The following PDE10A variants were observed in gnomAD, a reference collection of about 807,000 sequenced individuals.
PDE10A encodes the protein phosphodiesterase 10A, also known as cAMP and cAMP-inhibited cGMP 3',5'-cyclic phosphodiesterase 10A.
In PDE10A, 39 loss-of-function variants were observed where a neutral mutation model predicts 97.7. The observed-to-expected ratio is 0.40, with a 90% CI of 0.31 to 0.52. The LOEUF (loss-of-function observed/expected upper bound fraction) is 0.52. Ranked by LOEUF, PDE10A falls within the 20% of genes least tolerant of loss-of-function variation. The pLI is 0.56. For missense variants in PDE10A, 731 were observed against 1,047.8 expected, an observed-to-expected ratio of 0.70 and a Z score of 4.17; for synonymous variants, 371 against 376.8, an observed-to-expected ratio of 0.98 and a Z score of 0.18.
intron 1 of PDE10A, among the ~76,000 whole-genome samples, chr6:165,915,397 G>A (rs1021979579): frequency 3.3e-5 from 5 of 152,154 alleles, no homozygotes; most frequent in South Asian, 2.1e-4. Flanking sequence ...TACTGCACAC[G>A]AATGCTACAA....
At chr6:165,535,319 G>A (rs1480407396) in intron 2 of PDE10A, among the ~76,000 whole-genome samples, 2 of 151,514 alleles carry the variant, frequency 1.3e-5, no homozygotes, top group African/African-American at 4.8e-5. Context: ...TGTAGCCATC[G>A]CCTAAATACT....
chr6:165,857,006 C>T (rs1285924675), intron 1 of PDE10A, among the ~76,000 whole-genome samples: 1 of 152,224 alleles, frequency 6.6e-6, no homozygotes, highest in Non-Finnish European at 1.5e-5. Flanking sequence ...TTTCCTCCAT[C>T]AGTCTCTAAA....
At chr6:165,466,296 CACTG>C (rs1242388542) in intron 3 of PDE10A, among the ~76,000 whole-genome samples, 3 of 152,158 alleles carry the variant, frequency 2.0e-5, no homozygotes, top group Non-Finnish European at 4.4e-5. Context: ...AGTATTAAAT[CACTG>C]ACTGATACAG....
chr6:165,517,161 T>C (rs1781860400), intron 2 of PDE10A, among the ~76,000 whole-genome samples: 1 of 152,164 alleles, frequency 6.6e-6, no homozygotes, highest in African/African-American at 2.4e-5. Context: ...TGGCAAGTTA[T>C]GCCACCAACT....
At chr6:165,790,614 G>A (rs1251856407) in intron 1 of PDE10A, among the ~76,000 whole-genome samples, 2 of 152,088 alleles carry the variant, frequency 1.3e-5, no homozygotes, top group East Asian at 1.9e-4. Flanking sequence ...GACACTGGAC[G>A]GTTTATCAGA....
intron 1 of PDE10A, among the ~76,000 whole-genome samples, chr6:165,744,338 T>C (rs1168820843): frequency 6.6e-6 from 1 of 152,228 alleles, no homozygotes; most frequent in Non-Finnish European, 1.5e-5. Flanking sequence ...CATTTTTGTA[T>C]ATGTGTGCAT....
intron 13 of PDE10A, among the ~76,000 whole-genome samples, chr6:165,411,774 A>AT (rs761282248): frequency 2.0e-5 from 3 of 152,234 alleles, no homozygotes; most frequent in Admixed American, 1.3e-4. Context: ...GATAGTATCT[A>AT]TTTAACAGAG....
intron 3 of PDE10A, among the ~76,000 whole-genome samples, chr6:165,475,855 G>A (rs975642085): frequency 2.0e-5 from 3 of 152,130 alleles, no homozygotes; most frequent in African/African-American, 7.2e-5. Context: ...AATGAAATCT[G>A]GATTCCAGCG....
At position 165,711,066 on chromosome 6, in the gene PDE10A, A is replaced by C. The variant is rs2128446152; in HGVS notation, c.-614-167498T>G. 6.6e-6 allele frequency among the ~76,000 whole-genome samples: 1 copy of C among 152,324 alleles called. No homozygotes were observed. Among genetic ancestry groups the C allele is most frequent in the South Asian group, 2.1e-4 (1 of 4,820 alleles). ...GGTGCCTTCTGCTGGGTCATCGCTC[A>C]TCTGCGCCCGGGGGTCTGTCCCGCT... is the stretch of plus-strand genomic sequence containing the variant. On this transcript the variant is annotated intron_variant, in intron 1 of 19. Transcript: ENST00000366882. This position sits in a 1 kb window ranked among gnomAD's most constrained non-coding sequence, Gnocchi z 4.5.
intron 1 of PDE10A, among the ~76,000 whole-genome samples, chr6:165,550,852 C>T (rs1485471910): frequency 4.6e-5 from 7 of 152,172 alleles, no homozygotes. Flanking sequence ...AATAACTTTA[C>T]AGACCTTTCA....
intron 1 of PDE10A, among the ~76,000 whole-genome samples, chr6:165,715,197 C>T (rs1379522198): frequency 1.3e-5 from 2 of 152,248 alleles, no homozygotes; most frequent in African/African-American, 4.8e-5. Context: ...GGGCCTGCGC[C>T]CTCATTCACT....
chr6:165,543,600 C>A, intron 1 of PDE10A, 32 bp from the exon 2 acceptor site: 1 of 1,559,194 alleles, frequency 6.4e-7, no homozygotes, highest in South Asian at 1.1e-5. Context: ...TAAAATTCAC[C>A]TATACAACAT....
chr6:165,362,232 A>G (rs1783468798), intron 18 of PDE10A, among the ~76,000 whole-genome samples: 2 of 152,206 alleles, frequency 1.3e-5, no homozygotes, highest in African/African-American at 4.8e-5. Flanking sequence ...TTAGAAAAAA[A>G]TCAATGATAC....
intron 2 of PDE10A, among the ~76,000 whole-genome samples, chr6:165,498,943 A>T (rs1301988299): frequency 2.0e-5 from 3 of 152,250 alleles, no homozygotes; most frequent in Non-Finnish European, 4.4e-5. Flanking sequence ...TAGTAGTTTC[A>T]CATTCATTCC....
intron 1 of PDE10A, among the ~76,000 whole-genome samples, chr6:165,625,160 C>G (rs1017735672): frequency 9.2e-5 from 14 of 152,180 alleles, no homozygotes; most frequent in Admixed American, 6.5e-5. Flanking sequence ...TGGATTTGAC[C>G]CAGTCTGTGA....
At chr6:165,619,334 G>GTAGTCTAGTC (rs1787928028) in intron 1 of PDE10A, among the ~76,000 whole-genome samples, 1 of 131,760 alleles carries the variant, frequency 7.6e-6, no homozygotes, top group Admixed American at 7.0e-5. Context: ...GTAGTGTAGT[G>GTAGTCTAGTC]TAGTGTAGTC....
intron 1 of PDE10A, among the ~76,000 whole-genome samples, chr6:165,765,789 C>A (rs1443606401): frequency 6.6e-6 from 1 of 152,244 alleles, no homozygotes; most frequent in Non-Finnish European, 1.5e-5. Flanking sequence ...GGAGCCCAGG[C>A]AGAGGAGGCA....
At position 165,655,685 on chromosome 6, in the gene PDE10A, C is replaced by T. The variant is rs1345288547; in HGVS notation, c.865+6262G>A. Among the ~76,000 whole-genome samples the T allele has an allele frequency of 1.3e-5, 2 of 152,170 alleles. No homozygotes were observed. Among genetic ancestry groups the T allele is most frequent in the African/African-American group, 4.8e-5 (2 of 41,442 alleles). Reference sequence around the variant, plus strand: ...CCTTCATTCATTCACCAAACTGCAGCCAGAATGAGCTTCTGAGATCATAAA... The same window carrying T: ...CCTTCATTCATTCACCAAACTGCAGTCAGAATGAGCTTCTGAGATCATAAA... On this transcript the variant is annotated intron_variant, in intron 1 of 21. Transcript: ENST00000539869. This position sits in a 1 kb window ranked among gnomAD's most constrained non-coding sequence, Gnocchi z 4.5.
Position 165,662,533 on chromosome 6 carries a change from C to CCAGCCG in PDE10A, c.273_278dup (p.Cys91_Gly92dup), listed in dbSNP as rs1190507757. ...GCGCCAAGGGAGCGCGGGCCGCGAC[C>CCAGCCG]CAGCCGCAGCCGCCGCCGCGCGCAG... On this transcript the variant is annotated inframe_insertion, in exon 1 of 22. Transcript: ENST00000539869. 3.2e-4 allele frequency: 47 copies of CCAGCCG among 147,144 alleles called. No homozygotes were observed. Among genetic ancestry groups the CCAGCCG allele is most frequent in the African/African-American group, 1.1e-3 (43 of 40,452 alleles). 9.1% of individuals were successfully genotyped at this position (147,144 alleles called of 1,614,324 possible). A position where few individuals can be genotyped will look rare whatever the true frequency, so the allele number is the denominator to read the frequency against.
Sources: gnomAD v4.1 joint callset for allele counts (sites outside exome capture counted in the v4.1 genomes callset) on GRCh38, gnomAD v4.1.1 for gene constraint, Gnocchi (gnomAD v3.1) non-coding constraint, MANE v1.5 for transcripts, NCBI Gene and HGNC (gene_info 2026-07-23, HGNC 2026-07-21) for gene names.